The following LAMA3 variants were observed in gnomAD, a reference collection of about 807,000 sequenced individuals.
LAMA3 encodes the protein laminin subunit alpha-3.
In LAMA3, 281 loss-of-function variants were observed where a neutral mutation model predicts 402.0. The ratio of observed to expected loss-of-function variants is 0.70; its 90% CI spans 0.63 to 0.77. The LOEUF (loss-of-function observed/expected upper bound fraction) is 0.77, where lower values mean the gene tolerates loss of function less well. Among genes scored for constraint, LAMA3 ranks in the 30% least tolerant of loss-of-function variants. The pLI, the probability that LAMA3 is intolerant of heterozygous loss-of-function variation, is 0.00. For missense variants in LAMA3, 3,840 were observed against 4,215.5 expected (o/e 0.91, Z 2.47); for synonymous variants, 1,431 against 1,558.4 (o/e 0.92, Z 1.93).
chr18:23,896,865 A>G (rs545722993), intron 44 of LAMA3, among the ~76,000 whole-genome samples: 2 of 152,204 alleles, frequency 1.3e-5, no homozygotes, highest in Non-Finnish European at 2.9e-5. Context: ...GGTGATAAGC[A>G]TAAGAGCACT....
rs920942946 is a variant in LAMA3, at chr18:23,842,844, G to A, written c.3603+94G>A. On this transcript the variant is annotated intron_variant, in intron 29 of 74. Transcript: ENST00000313654. ...TAGCTCATGGAAATAATTCTTCCAAGGAATTGAAGTCATATTTGTAGAAAA... is the reference window on the plus strand; with the variant it reads ...TAGCTCATGGAAATAATTCTTCCAAAGAATTGAAGTCATATTTGTAGAAAA... 1.0e-5 allele frequency: 15 copies of A among 1,479,604 alleles called. No individual in the cohort carries two copies. In the South Asian group the frequency reaches 1.5e-4, roughly 15 times the overall value. 91.7% of individuals were successfully genotyped at this position (1,479,604 alleles called of 1,614,324 possible).
At position 23,776,365 on chromosome 18, in the gene LAMA3, G is replaced by A. The variant is rs147827078; in HGVS notation, c.1405+442G>A. 5.0e-3 allele frequency among the ~76,000 whole-genome samples: 766 copies of A among 152,166 alleles called. 5 individuals are homozygous for A. Among genetic ancestry groups the A allele is most frequent in the Non-Finnish European group, 8.4e-3 (569 of 68,010 alleles). On this transcript the variant is annotated intron_variant, in intron 10 of 74. Coordinates refer to ENST00000313654, the MANE Select transcript of LAMA3 (RefSeq NM_198129.4). ...TATAAGCACCCAGACTCCACCCCAC[G>A]GCAGTGATCTAAGTGAACATCTCAG...
intron 2 of LAMA3, among the ~76,000 whole-genome samples, chr18:23,730,169 T>C (rs904061961): frequency 1.3e-5 from 2 of 152,210 alleles, no homozygotes; most frequent in Non-Finnish European, 2.9e-5. Flanking sequence ...GGCTCCACCA[T>C]GCAGGTGGAC....
intron 73 of LAMA3, among the ~76,000 whole-genome samples, chr18:23,952,277 T>C (rs556049744): frequency 3.9e-5 from 6 of 152,226 alleles, no homozygotes; most frequent in Non-Finnish European, 7.3e-5. Flanking sequence ...GTGTCTGATA[T>C]GTAGTCAGTG....
Position 23,950,108 on chromosome 18 carries a change from C to T in LAMA3, c.9591C>T (p.His3197=). ...GAAGTCTCACTGGGATCCTAATACA[C>T]ATCGGAAGTCAGCCCGGGAAGCACT... ...RPRSLTGILI[H]IGSQPGKHLC... Residue 3197 remains histidine, a synonymous_variant, in exon 72 of 75, where the codon CAC becomes CAT. Coordinates refer to ENST00000313654, the MANE Select transcript of LAMA3 (RefSeq NM_198129.4). The T allele has an allele frequency of 1.9e-6, 3 of 1,614,118 alleles. No individual in the cohort carries two copies. Among genetic ancestry groups the T allele is most frequent in the Non-Finnish European group, 2.5e-6 (3 of 1,180,030 alleles).
chr18:23,766,750 A>G lies in LAMA3; in HGVS notation c.1182+3227A>G, dbSNP rs1487239175. On this transcript the variant is annotated intron_variant, in intron 8 of 74. Coordinates refer to ENST00000313654, the MANE Select transcript of LAMA3 (RefSeq NM_198129.4). ...GATACTCGGGAGGCTGAGGCATGAG[A>G]ATCACTTGAACCCAGGAGGCAGAGG... Among the ~76,000 whole-genome samples, 4 of 152,104 alleles carry G rather than the reference A, an allele frequency of 2.6e-5. No individual in the cohort carries two copies. The East Asian group carries it at 7.7e-4, about 29-fold the overall frequency.
At chr18:23,911,845 AATT>A (rs1452571493) in intron 55 of LAMA3, among the ~76,000 whole-genome samples, 3 of 146,820 alleles carry the variant, frequency 2.0e-5, no homozygotes, top group Non-Finnish European at 4.5e-5. Flanking sequence ...AGTGTTATAT[AATT>A]ATATCTGCTT....
intron 42 of LAMA3, among the ~76,000 whole-genome samples, chr18:23,891,580 G>A (rs187431590): frequency 2.0e-5 from 3 of 152,240 alleles, no homozygotes; most frequent in Admixed American, 6.5e-5. Flanking sequence ...AATTCAGAAG[G>A]GCCTCAACAG....
chr18:23,954,423 ATACTATCTTTT>A, intron 74 of LAMA3, 69 bp from the exon 75 acceptor site: 22 of 1,207,462 alleles, frequency 1.8e-5, no homozygotes, highest in South Asian at 2.7e-5. Flanking sequence ...AAAAAAAAAA[ATACTATCTTTT>A]AAAATCCAGG....
At chr18:23,788,831 A>G (rs1441928035) in intron 12 of LAMA3, among the ~76,000 whole-genome samples, 1 of 151,892 alleles carries the variant, frequency 6.6e-6, no homozygotes, top group Non-Finnish European at 1.5e-5. Flanking sequence ...GTGAAAAGAT[A>G]AATCATAGAA....
chr18:23,928,738 T>C lies in LAMA3; in HGVS notation c.8409T>C (p.Ser2803=). ...ASFGFQTFQP[S]GILLDHQTWT... ...TTGGATTTCAGACCTTTCAACCCAG[T>C]GGCATATTATTAGATCATCAGACAT... Residue 2803 remains serine, a synonymous_variant, in exon 64 of 75, where the codon AGT becomes AGC. Transcript: ENST00000313654. 6.2e-7 allele frequency: 1 copy of C among 1,614,000 alleles called. No homozygotes were observed. The highest frequency in any genetic ancestry group is 1.3e-5 in the African/African-American group (1 of 75,058).
At chr18:23,866,876 A>G (rs1399002575) in intron 36 of LAMA3, among the ~76,000 whole-genome samples, 2 of 152,234 alleles carry the variant, frequency 1.3e-5, no homozygotes. Flanking sequence ...ACCAGCCCTA[A>G]TGAAATACCA....
intron 18 of LAMA3, among the ~76,000 whole-genome samples, chr18:23,819,492 A>G (rs903147117): frequency 4.6e-5 from 7 of 152,238 alleles, no homozygotes; most frequent in African/African-American, 1.7e-4. Flanking sequence ...GAATATATAA[A>G]TGAATGAGTG....
intron 55 of LAMA3, among the ~76,000 whole-genome samples, chr18:23,911,486 T>C (rs1259831107): frequency 6.6e-6 from 1 of 152,196 alleles, no homozygotes; most frequent in East Asian, 1.9e-4. Context: ...TGCCTCAACA[T>C]GCAAGCATGT....
chr18:23,721,675 A>G (rs2061215670), intron 2 of LAMA3, among the ~76,000 whole-genome samples: 1 of 151,926 alleles, frequency 6.6e-6, no homozygotes, highest in Non-Finnish European at 1.5e-5. Context: ...TAAACTCATT[A>G]TGTCTTGTGC....
At chr18:23,781,209 A>G (rs1040951878) in intron 11 of LAMA3, 40 of 435,634 alleles carry the variant, frequency 9.2e-5, no homozygotes, top group African/African-American at 8.1e-4. Flanking sequence ...ATTCACGGTA[A>G]AAACGTTCCC....
intron 25 of LAMA3, 56 bp from the exon 26 acceptor site, chr18:23,838,725 C>T (rs1186174494): frequency 1.1e-6 from 1 of 926,710 alleles, no homozygotes; most frequent in Admixed American, 1.7e-5. Context: ...TTTGGCCATA[C>T]CGTTTGTTTT....
intron 12 of LAMA3, among the ~76,000 whole-genome samples, chr18:23,805,853 C>T (rs931337797): frequency 2.6e-5 from 4 of 152,172 alleles, no homozygotes; most frequent in Non-Finnish European, 5.9e-5. Context: ...AAATGTTTGG[C>T]GGTGGAGTGG....
At chr18:23,934,397 G>A (rs1237433019) in intron 67 of LAMA3, among the ~76,000 whole-genome samples, 2 of 152,114 alleles carry the variant, frequency 1.3e-5, no homozygotes, top group Non-Finnish European at 2.9e-5. Context: ...GGCTGCATCT[G>A]ACCCAATTAA....
Sources: gnomAD v4.1 joint callset for allele counts (sites outside exome capture counted in the v4.1 genomes callset) on GRCh38, gnomAD v4.1.1 for gene constraint, MANE v1.5 for transcripts, NCBI Gene and HGNC (gene_info 2026-07-23, HGNC 2026-07-21) for gene names.